DLG2: variants seen among roughly 807,000 people sequenced by gnomAD.
The protein encoded by DLG2 is disks large homolog 2.
Under a neutral mutation model 132.5 loss-of-function variants are expected in DLG2, and 45 were observed. The observed-to-expected ratio is 0.34, with a 90% CI of 0.27 to 0.44. DLG2 has a LOEUF of 0.44. Among genes scored for constraint, DLG2 ranks in the 20% least tolerant of loss-of-function variants. The pLI, the probability that DLG2 is intolerant of heterozygous loss-of-function variation, is 1.00. For missense variants in DLG2, 1,045 were observed against 1,196.9 expected (o/e 0.87, Z 1.87); for synonymous variants, 424 against 419.6 (o/e 1.01, Z -0.13).
At chr11:84,795,430 G>A (rs1004913334) in intron 6 of DLG2, among the ~76,000 whole-genome samples, 1 of 151,890 alleles carries the variant, frequency 6.6e-6, no homozygotes, top group African/African-American at 2.4e-5. Flanking sequence ...GCTACCCACT[G>A]TGGGTTTCCT....
chr11:84,276,435 A>C (rs1210086943), intron 7 of DLG2, among the ~76,000 whole-genome samples: 1 of 152,202 alleles, frequency 6.6e-6, no homozygotes. Context: ...AACTTAGTTC[A>C]ATTTGACTCA....
At chr11:84,311,277 A>C (rs2098283725) in intron 7 of DLG2, among the ~76,000 whole-genome samples, 1 of 152,224 alleles carries the variant, frequency 6.6e-6, no homozygotes, top group Non-Finnish European at 1.5e-5. Context: ...TAAGTTCTTC[A>C]GGATAAAAAA....
chr11:84,352,622 T>C (rs1370639250), intron 7 of DLG2, among the ~76,000 whole-genome samples: 1 of 152,188 alleles, frequency 6.6e-6, no homozygotes, highest in Non-Finnish European at 1.5e-5. Flanking sequence ...AATATACACA[T>C]TGTTGCTTAT....
intron 7 of DLG2, among the ~76,000 whole-genome samples, chr11:84,479,666 A>G (rs1216858108): frequency 1.3e-5 from 2 of 152,164 alleles, no homozygotes; most frequent in Admixed American, 1.3e-4. Context: ...CACATGCAAA[A>G]GGAACAGTAG....
intron 19 of DLG2, among the ~76,000 whole-genome samples, chr11:83,576,303 C>T (rs537494011): frequency 6.6e-6 from 1 of 152,008 alleles, no homozygotes; most frequent in African/African-American, 2.4e-5. Flanking sequence ...ACTAATAGAC[C>T]TCTAATTGGA....
chr11:85,596,492 G>A (rs1056256182), intron 3 of DLG2, among the ~76,000 whole-genome samples: 1 of 152,106 alleles, frequency 6.6e-6, no homozygotes, highest in African/African-American at 2.4e-5. Flanking sequence ...CTGCAGTAAT[G>A]GTATTTTATT....
At chr11:84,592,438 A>G (rs2099545599) in intron 6 of DLG2, among the ~76,000 whole-genome samples, 1 of 152,146 alleles carries the variant, frequency 6.6e-6, no homozygotes, top group Non-Finnish European at 1.5e-5. Flanking sequence ...CACCAAAAGC[A>G]ATGGCAACAA....
intron 6 of DLG2, among the ~76,000 whole-genome samples, chr11:84,882,485 T>C (rs949169053): frequency 6.6e-6 from 1 of 151,932 alleles, no homozygotes; most frequent in Non-Finnish European, 1.5e-5. Flanking sequence ...AAGAGAACAC[T>C]GATAGGGTCA....
At chr11:84,943,332 T>TCCTTCCTGCCTTCCTGCCTG (rs2049740535) in intron 6 of DLG2, among the ~76,000 whole-genome samples, 1 of 152,068 alleles carries the variant, frequency 6.6e-6, no homozygotes, top group Non-Finnish European at 1.5e-5. Context: ...AGTCATCCTT[T>TCCTTCCTGCCTTCCTGCCTG]CCTTCCTGCC....
At chr11:83,455,166 A>T (rs1424052999), downstream of DLG2, 1 of 152,682 alleles carries the variant, frequency 6.5e-6, no homozygotes, top group Non-Finnish European at 1.5e-5. Context: ...AGTATGAAAT[A>T]TACATCTTGA....
chr11:83,864,056 T>A (rs988382604), intron 16 of DLG2, among the ~76,000 whole-genome samples: 6 of 152,216 alleles, frequency 3.9e-5, no homozygotes, highest in African/African-American at 1.4e-4. Flanking sequence ...TACTTCCATG[T>A]AGCTCTTACA....
intron 9 of DLG2, among the ~76,000 whole-genome samples, chr11:84,133,327 G>A (rs1447081295): frequency 1.3e-5 from 2 of 152,036 alleles, no homozygotes; most frequent in Non-Finnish European, 2.9e-5. Context: ...GATGTTTTTA[G>A]TTTTAGAGGT....
chr11:85,475,087 T>C (rs1200462989), intron 3 of DLG2, among the ~76,000 whole-genome samples: 1 of 151,600 alleles, frequency 6.6e-6, no homozygotes, highest in Non-Finnish European at 1.5e-5. Context: ...AAAAATGAAA[T>C]ACATAAATGT....
At chr11:85,034,700 GTACCCT>G (rs1332373902) in intron 6 of DLG2, among the ~76,000 whole-genome samples, 4 of 152,108 alleles carry the variant, frequency 2.6e-5, no homozygotes, top group African/African-American at 9.7e-5. Flanking sequence ...CTCACATTCT[GTACCCT>G]ATGCTTCCCC....
chr11:83,754,370 T>A (rs11233740), intron 18 of DLG2, among the ~76,000 whole-genome samples: 8,906 of 151,090 alleles, frequency 0.059, 1,223 homozygotes, highest in African/African-American at 0.2. Context: ...AATAAGAGGA[T>A]TAGAATTGCA....
At chr11:84,375,488 T>C (rs547896189) in intron 7 of DLG2, among the ~76,000 whole-genome samples, 1 of 152,266 alleles carries the variant, frequency 6.6e-6, no homozygotes. Flanking sequence ...TTTTATACCT[T>C]AATTTATCTT....
At chr11:84,516,501 T>A (rs1455291476) in intron 7 of DLG2, among the ~76,000 whole-genome samples, 1 of 151,544 alleles carries the variant, frequency 6.6e-6, no homozygotes, top group Non-Finnish European at 1.5e-5. Context: ...ACATACAACC[T>A]ACCAAGACTA....
intron 3 of DLG2, among the ~76,000 whole-genome samples, chr11:85,582,292 G>A (rs1277957335): frequency 6.6e-6 from 1 of 151,990 alleles, no homozygotes; most frequent in Non-Finnish European, 1.5e-5. Context: ...AAATGAACTG[G>A]GTCAATAAGA....
chr11:84,461,506 A>G (rs2099080075), intron 7 of DLG2, among the ~76,000 whole-genome samples: 1 of 151,088 alleles, frequency 6.6e-6, no homozygotes. Context: ...AATTTTAAAT[A>G]AATGACCAGA....
Sources: gnomAD v4.1 joint callset for allele counts (sites outside exome capture counted in the v4.1 genomes callset) on GRCh38, gnomAD v4.1.1 for gene constraint, MANE v1.5 for transcripts, NCBI Gene and HGNC (gene_info 2026-07-23, HGNC 2026-07-21) for gene names.